GTF2IRD2B: variants seen among roughly 807,000 people sequenced by gnomAD.
GTF2IRD2B encodes GTF2I repeat domain containing 2B, also known as general transcription factor II-I repeat domain-containing protein 2B.
Under a neutral mutation model 55.6 loss-of-function variants are expected in GTF2IRD2B, and 10 were observed. The ratio of observed to expected loss-of-function variants is 0.18; its 90% CI spans 0.11 to 0.31. GTF2IRD2B has a LOEUF of 0.31. Ranked by LOEUF, GTF2IRD2B falls within the 10% of genes least tolerant of loss-of-function variation. The pLI is 1.00. For missense variants in GTF2IRD2B, 206 were observed against 802.7 expected (o/e 0.26, Z 8.98); for synonymous variants, 107 against 320.5 (o/e 0.33, Z 7.12).
At position 75,148,324 on chromosome 7, in the gene GTF2IRD2B, A is replaced by G; in HGVS notation, c.1877A>G (p.Asp626Gly). Residue 626 changes from aspartate (D) to glycine (G), a missense_variant, in exon 16 of 16, where the codon GAT (aspartate) becomes GGT (glycine). Coordinates refer to ENST00000472837, the MANE Select transcript of GTF2IRD2B (RefSeq NM_001003795.3). ...VASTGTPAMV[D>G]ANNGLVTKLK... ...TCCACTGGCACCCCAGCGATGGTGG[A>G]TGCCAATAACGGGCTTGTCACAAAA... The G allele has an allele frequency of 1.2e-6, 2 of 1,613,570 alleles. No homozygotes were observed. The highest frequency in any genetic ancestry group is 1.7e-6 in the Non-Finnish European group (2 of 1,179,812).
intron 3 of GTF2IRD2B, among the ~76,000 whole-genome samples, chr7:75,115,917 TC>T (rs1554451271): frequency 1.2e-4 from 9 of 74,694 alleles, no homozygotes; most frequent in African/African-American, 2.7e-4. Flanking sequence ...TTCTTTTCTT[TC>T]TTTTTTTTTT....
At chr7:75,093,704 A>AATG (rs1466519418) in intron 1 of GTF2IRD2B, 1 of 152,060 alleles carries the variant, frequency 6.6e-6, no homozygotes, top group Non-Finnish European at 1.5e-5. Flanking sequence ...GCTGAATAAA[A>AATG]ATCCATGATA....
In GTF2IRD2B at chr7:75,115,464, C is replaced by T. The variant is rs1554451211; in HGVS notation, c.238+2929C>T. On this transcript the variant is annotated intron_variant, in intron 3 of 15. Coordinates refer to ENST00000472837, the MANE Select transcript of GTF2IRD2B (RefSeq NM_001003795.3). ...TTTGAGACAGAATCTCGCTCTATCG[C>T]CCAGGCTGGAGTGCAGTGGAGAGAT... 3.4e-5 allele frequency among the ~76,000 whole-genome samples: 5 copies of T among 147,916 alleles called. No homozygotes were observed. In the East Asian group the frequency reaches 9.9e-4, roughly 29 times the overall value.
chr7:75,112,625 G>A lies in GTF2IRD2B; in HGVS notation c.238+90G>A, dbSNP rs1324543746. On this transcript the variant is annotated intron_variant, in intron 3 of 15. Coordinates refer to ENST00000472837, the MANE Select transcript of GTF2IRD2B (RefSeq NM_001003795.3). ...AGTATTTTCTTCTAAGCTATCATAA[G>A]CATTCTCCTAGAAACGATCCTAACA... The A allele has an allele frequency of 2.9e-6, 4 of 1,368,026 alleles. 1 individual carries two copies. Among genetic ancestry groups the A allele is most frequent in the East Asian group, 2.4e-5 (1 of 40,892 alleles). The allele number at this position is 1,368,026 out of a possible 1,614,324, so 84.7% of individuals were successfully genotyped here.
chr7:75,102,159 T>G (rs1469714644), intron 1 of GTF2IRD2B, among the ~76,000 whole-genome samples: 4 of 149,218 alleles, frequency 2.7e-5, no homozygotes, highest in African/African-American at 7.3e-5. Context: ...TGCGCCACCA[T>G]GCCCGGCTAA....
At chr7:75,118,423 G>A (rs1167229287) in intron 3 of GTF2IRD2B, among the ~76,000 whole-genome samples, 15 of 151,514 alleles carry the variant, frequency 9.9e-5, no homozygotes, top group East Asian at 1.9e-4. Context: ...CCAGTGGGCC[G>A]TGACCAAATC....
chr7:75,119,191 C>CAAAAAAAAA lies in GTF2IRD2B; in HGVS notation c.239-1668_239-1660dup, dbSNP rs71229657. Among the ~76,000 whole-genome samples, 17 of 5,128 alleles carry CAAAAAAAAA rather than the reference C, an allele frequency of 3.3e-3. 5 individuals carry two copies. Among genetic ancestry groups the CAAAAAAAAA allele is most frequent in the African/African-American group, 4.5e-3 (3 of 670 alleles). The allele number at this position is 5,128 out of a possible 152,430, so 3.4% of individuals were successfully genotyped here. A position where few individuals can be genotyped will look rare whatever the true frequency, so the allele number is the denominator to read the frequency against. On this transcript the variant is annotated intron_variant, in intron 3 of 15. Coordinates refer to ENST00000472837, the MANE Select transcript of GTF2IRD2B (RefSeq NM_001003795.3). Reference sequence around the variant, plus strand: ...CTTAGGCGACAGAGTAAGACTCTCTCAAAAAAAAAAAAAAAAAAAAAAAAA... The same window carrying CAAAAAAAAA: ...CTTAGGCGACAGAGTAAGACTCTCTCAAAAAAAAAAAAAAAAAAAAAAAAAAAAAAAAAA...
rs781920538 is a variant in GTF2IRD2B, at chr7:75,148,157, C to G, written c.1710C>G (p.Val570=). ...AGTTGGCCATATTCATCCGTGGTGTCGATGAGAATTTCGATGTGTCCGAAG... is the reference window on the plus strand; with the variant it reads ...AGTTGGCCATATTCATCCGTGGTGTGGATGAGAATTTCGATGTGTCCGAAG... The part of the protein sequence containing the change: ...TTQLAIFIRG[V]DENFDVSEEL... Residue 570 remains valine, a synonymous_variant, in exon 16 of 16, where the codon GTC becomes GTG. Coordinates refer to ENST00000472837, the MANE Select transcript of GTF2IRD2B (RefSeq NM_001003795.3). 8.7e-6 allele frequency: 14 copies of G among 1,613,256 alleles called. No individual in the cohort carries two copies. Among genetic ancestry groups the G allele is most frequent in the Non-Finnish European group, 1.1e-5 (13 of 1,179,576 alleles).
intron 8 of GTF2IRD2B, among the ~76,000 whole-genome samples, chr7:75,127,051 A>G (rs1305545996): frequency 6.7e-6 from 1 of 150,366 alleles, no homozygotes; most frequent in Non-Finnish European, 1.5e-5. Flanking sequence ...AGAACCAAGT[A>G]TCTAGCAGGT....
intron 10 of GTF2IRD2B, among the ~76,000 whole-genome samples, chr7:75,135,476 T>C (rs1175867692): frequency 7.1e-6 from 1 of 141,072 alleles, no homozygotes; most frequent in Non-Finnish European, 1.5e-5. Context: ...CTTTTATACA[T>C]GTAAGTTGGA....
chr7:75,099,830 C>T (rs1191358005), intron 1 of GTF2IRD2B, among the ~76,000 whole-genome samples: 6 of 136,778 alleles, frequency 4.4e-5, no homozygotes, highest in African/African-American at 1.1e-4. Context: ...AAAGAATTTT[C>T]GGCCAGGCGT....
chr7:75,106,334 C>A (rs587660478), intron 1 of GTF2IRD2B, among the ~76,000 whole-genome samples: 7 of 152,282 alleles, frequency 4.6e-5, no homozygotes, highest in African/African-American at 1.7e-4. Flanking sequence ...ACCCGGGAGG[C>A]AGAGGTTGCA....
chr7:75,093,022 C>A (rs1554422858), intron 1 of GTF2IRD2B, among the ~76,000 whole-genome samples: 8 of 152,408 alleles, frequency 5.2e-5, no homozygotes, highest in African/African-American at 1.7e-4. Flanking sequence ...GAGCGCACAT[C>A]CCTCTCCTTC....
chr7:75,148,008 TC>T lies in GTF2IRD2B; in HGVS notation c.1566del (p.Val523CysfsTer4), dbSNP rs1215664459. The T allele has an allele frequency of 1.5e-6, 2 of 1,350,984 alleles. No individual in the cohort carries two copies. The highest frequency in any genetic ancestry group is 2.9e-5 in the African/African-American group (2 of 68,872). 83.7% of individuals were successfully genotyped at this position (1,350,984 alleles called of 1,614,324 possible). ...TGCAAACCCAAGTCCAACCCAGAAATCCCCCGTGCAGCCTGTAGAGGACCTA... is the reference window on the plus strand; with the variant it reads ...TGCAAACCCAAGTCCAACCCAGAAATCCCCGTGCAGCCTGTAGAGGACCTA... ...VFANPSPTQK[S>X]PVQPVEDLAG... On this transcript the variant is annotated frameshift_variant, in exon 16 of 16. Transcript: ENST00000472837. LOFTEE classifies it high-confidence loss of function.
rs1324681287 is a variant in GTF2IRD2B, at chr7:75,092,715, G to A, written c.-56G>A. 2.0e-5 allele frequency: 3 copies of A among 153,136 alleles called. No individual in the cohort carries two copies. The highest frequency in any genetic ancestry group is 4.4e-5 in the Non-Finnish European group (3 of 68,130). 9.5% of individuals were successfully genotyped at this position (153,136 alleles called of 1,614,324 possible). A position where few individuals can be genotyped will look rare whatever the true frequency, so the allele number is the denominator to read the frequency against. On this transcript the variant is annotated 5_prime_UTR_variant, in exon 1 of 16. Transcript: ENST00000472837. ...CCTCGGCCATCGGCTGCTCCCCGGT[G>A]GCCCAGGCCTCGGACTCCGCGGCCG... is the stretch of plus-strand genomic sequence containing the variant.
chr7:75,127,070 G>A (rs1808542170), intron 8 of GTF2IRD2B, among the ~76,000 whole-genome samples: 1 of 149,186 alleles, frequency 6.7e-6, no homozygotes, highest in Non-Finnish European at 1.5e-5. Context: ...GTTATCATTT[G>A]ACACCTTTCT....
At chr7:75,122,942 C>T (rs1400764381) in intron 4 of GTF2IRD2B, among the ~76,000 whole-genome samples, 194 bp from the exon 5 acceptor site, 6 of 149,452 alleles carry the variant, frequency 4.0e-5, no homozygotes, top group Non-Finnish European at 7.5e-5. Flanking sequence ...CCCAGCTACT[C>T]GGGAGGCTGA....
At chr7:75,095,297 AT>A (rs1248354830) in intron 1 of GTF2IRD2B, among the ~76,000 whole-genome samples, 5 of 22,972 alleles carry the variant, frequency 2.2e-4, no homozygotes, top group African/African-American at 2.7e-4. Context: ...CTTTGCCTTT[AT>A]TTTTTTTTTA....
rs1264412262 is a variant in GTF2IRD2B at position 75,101,253 on chromosome 7, C to T, written c.-5-7707C>T. On this transcript the variant is annotated intron_variant, in intron 1 of 15. Transcript: ENST00000472837. ...GTTTTATTGAGATACAATTCATATACTTATACAGTTCACCCATTTGAAGTG... is the reference window on the plus strand; with the variant it reads ...GTTTTATTGAGATACAATTCATATATTTATACAGTTCACCCATTTGAAGTG... Among the ~76,000 whole-genome samples the T allele has an allele frequency of 3.0e-4, 44 of 148,452 alleles. 3 individuals are homozygous for T. The highest frequency in any genetic ancestry group is 9.8e-4 in the African/African-American group (40 of 40,672).
Sources: gnomAD v4.1 joint callset for allele counts (sites outside exome capture counted in the v4.1 genomes callset) on GRCh38, gnomAD v4.1.1 for gene constraint, MANE v1.5 for transcripts, NCBI Gene and HGNC (gene_info 2026-07-23, HGNC 2026-07-21) for gene names.